DPP6: variants seen among roughly 807,000 people sequenced by gnomAD.
DPP6 encodes dipeptidyl peptidase like 6.
In DPP6, 69 loss-of-function variants were observed where a neutral mutation model predicts 122.6. The ratio of observed to expected loss-of-function variants is 0.56; its 90% CI spans 0.46 to 0.69. The LOEUF is 0.69. DPP6 is among the 30% of genes least tolerant of loss of function. DPP6 has a pLI of 0.00. For synonymous variants in DPP6, 418 were observed against 433.1 expected (o/e 0.97, Z 0.43); for missense variants, 928 against 1,116.9 (o/e 0.83, Z 2.41).
At chr7:154,368,142 G>A (rs1446593241) in intron 1 of DPP6, among the ~76,000 whole-genome samples, 2 of 152,152 alleles carry the variant, frequency 1.3e-5, no homozygotes, top group Admixed American at 6.5e-5. Context: ...GTGAAATTCT[G>A]AAAGCTATTG....
chr7:154,888,381 C>T (rs1228664973), intron 23 of DPP6, among the ~76,000 whole-genome samples: 3 of 152,146 alleles, frequency 2.0e-5, no homozygotes, highest in African/African-American at 7.2e-5. Context: ...GAGCCACCAC[C>T]CCTGGTCCGA....
intron 1 of DPP6, among the ~76,000 whole-genome samples, chr7:154,195,696 C>A (rs910756271): frequency 6.6e-6 from 1 of 152,206 alleles, no homozygotes; most frequent in African/African-American, 2.4e-5. Context: ...CCTCTACTAA[C>A]CCAAATTCAC....
At chr7:153,824,452 C>G in the DPP6 span, among the ~76,000 whole-genome samples, 1 of 148,942 alleles carries the variant, frequency 6.7e-6, no homozygotes, top group East Asian at 2.0e-4. Context: ...TTTGGGAGGC[C>G]GAGGTGGGTG....
At position 153,917,907 on chromosome 7, in the gene DPP6, A is replaced by C. The variant is rs563004453; in HGVS notation, c.51+30173A>C. On this transcript the variant is annotated intron_variant, in intron 1 of 25. Transcript: ENST00000404039. ...TTTTCTAAAAAGATTTGATCTCCTC[A>C]GTGTTAATATCCTTAGCTACCCAAT... Among the ~76,000 whole-genome samples, 3 of 152,342 alleles carry C rather than the reference A, an allele frequency of 2.0e-5. No individual in the cohort carries two copies. The South Asian group carries it at 6.2e-4, about 32-fold the overall frequency.
At chr7:153,828,490 C>A in the DPP6 span, among the ~76,000 whole-genome samples, 1 of 152,060 alleles carries the variant, frequency 6.6e-6, no homozygotes, top group South Asian at 2.1e-4. Context: ...CCAAGAAATT[C>A]TTTTTGAAAA....
chr7:154,678,650 A>G (rs1049948951), intron 7 of DPP6, among the ~76,000 whole-genome samples: 2 of 152,252 alleles, frequency 1.3e-5, no homozygotes, highest in African/African-American at 4.8e-5. Context: ...ACCCACCAGA[A>G]GGAACCAATT....
chr7:154,208,324 G>T (rs998895174), intron 1 of DPP6, among the ~76,000 whole-genome samples: 1 of 152,166 alleles, frequency 6.6e-6, no homozygotes, highest in African/African-American at 2.4e-5. Context: ...CATTTCCTTG[G>T]CCAAAAATAG....
At chr7:154,364,155 A>T (rs1233705287) in intron 1 of DPP6, among the ~76,000 whole-genome samples, 1 of 152,206 alleles carries the variant, frequency 6.6e-6, no homozygotes, top group Non-Finnish European at 1.5e-5. Context: ...TAACCAGTAA[A>T]AACAAACAAA....
intron 1 of DPP6, among the ~76,000 whole-genome samples, chr7:154,396,650 G>A (rs760780118): frequency 6.6e-6 from 1 of 152,198 alleles, no homozygotes; most frequent in Non-Finnish European, 1.5e-5. Flanking sequence ...GAGTTATTAC[G>A]TGTTAGAGCA....
In DPP6 at chr7:154,574,035, A is replaced by G. The variant is rs1298555659; in HGVS notation, c.627+7119A>G. On this transcript the variant is annotated intron_variant, in intron 5 of 25. Transcript: ENST00000377770. ...TTTGACACAGAACTGGCTCAAAACT[A>G]ACAATTATTTTCTTGTTTGTTTTTT... 2.0e-5 allele frequency among the ~76,000 whole-genome samples: 3 copies of G among 152,280 alleles called. No individual in the cohort carries two copies. In the East Asian group the frequency reaches 5.8e-4, roughly 29 times the overall value.
intron 1 of DPP6, among the ~76,000 whole-genome samples, chr7:154,243,079 A>T (rs1233676454): frequency 6.6e-6 from 1 of 152,232 alleles, no homozygotes; most frequent in Non-Finnish European, 1.5e-5. Context: ...TGTCCATGAA[A>T]GGAAAGACAT....
chr7:154,727,854 A>C lies in DPP6; in HGVS notation c.850A>C (p.Ile284Leu). The change falls in exon 8 of 26, where the codon ATT (isoleucine) becomes CTT (leucine). Residue 284 changes from isoleucine to leucine, a missense_variant. By Grantham distance (5) the Ile-to-Leu change is conservative. Coordinates refer to ENST00000377770, the MANE Select transcript of DPP6 (RefSeq NM_130797.4). ...GGTCTCCACTGGCAAGGAAGGTGTG[A>C]TTTACAATGGCCTCAGTGACTGGCT... ...RVVSTGKEGV[I>L]YNGLSDWLYE... is the part of the protein sequence containing the mutation. The C allele has an allele frequency of 5.0e-6, 8 of 1,613,864 alleles. No homozygotes were observed. The highest frequency in any genetic ancestry group is 6.8e-6 in the Non-Finnish European group (8 of 1,179,798).
chr7:154,260,854 G>C (rs1295454577), intron 1 of DPP6, among the ~76,000 whole-genome samples: 2 of 151,648 alleles, frequency 1.3e-5, no homozygotes, highest in Non-Finnish European at 2.9e-5. Context: ...ATACCTAGTA[G>C]TGGGATTGCT....
intron 1 of DPP6, among the ~76,000 whole-genome samples, chr7:154,188,378 A>G (rs1367529194): frequency 6.6e-6 from 1 of 152,236 alleles, no homozygotes; most frequent in Admixed American, 6.5e-5. Flanking sequence ...ACAAAGATTA[A>G]TAAGACACAG....
At chr7:154,244,820 AAT>A (rs1444696272) in intron 1 of DPP6, among the ~76,000 whole-genome samples, 5 of 152,190 alleles carry the variant, frequency 3.3e-5, no homozygotes, top group Non-Finnish European at 5.9e-5. Context: ...GATACACAGA[AAT>A]ATATGAGTAT....
the DPP6 span, among the ~76,000 whole-genome samples, chr7:153,826,195 G>C: frequency 6.6e-6 from 1 of 152,174 alleles, no homozygotes; most frequent in African/African-American, 2.4e-5. Flanking sequence ...GAGTGTGTGG[G>C]ATTGGAGTAG....
chr7:154,872,704 T>A lies in DPP6; in HGVS notation c.1883+11T>A. ...TCTGCTCCTGGTGGTGTAAGTATCG[T>A]CACATCTGTCTTTCCCTGGTGCTCG... On this transcript the variant is annotated intron_variant, in intron 19 of 25. Transcript: ENST00000377770. 1 of 1,588,168 alleles carries A rather than the reference T, an allele frequency of 6.3e-7. No individual in the cohort carries two copies. The highest frequency in any genetic ancestry group is 8.6e-7 in the Non-Finnish European group (1 of 1,167,134).
intron 21 of DPP6, among the ~76,000 whole-genome samples, chr7:154,881,771 G>A (rs1805407885): frequency 1.3e-5 from 2 of 152,236 alleles, no homozygotes; most frequent in Admixed American, 1.3e-4. Flanking sequence ...AGGGGATGCA[G>A]GAGCCCTCCC....
intron 17 of DPP6, chr7:154,865,390 C>T (rs1420613462): frequency 1.3e-5 from 2 of 152,196 alleles, no homozygotes; most frequent in Non-Finnish European, 2.9e-5. Flanking sequence ...GCTGAGGCGT[C>T]GAGATGACCT....
Sources: gnomAD v4.1 joint callset for allele counts (sites outside exome capture counted in the v4.1 genomes callset) on GRCh38, gnomAD v4.1.1 for gene constraint, MANE v1.5 for transcripts, NCBI Gene and HGNC (gene_info 2026-07-23, HGNC 2026-07-21) for gene names.